ALLC: variants seen among roughly 807,000 people sequenced by gnomAD.
ALLC encodes probable inactive allantoicase.
In ALLC, 40 loss-of-function variants were observed where a neutral mutation model predicts 45.0. The ratio of observed to expected loss-of-function variants is 0.89; its 90% CI spans 0.69 to 1.16. The LOEUF is 1.16. Among genes scored for constraint, ALLC ranks in the 50% most tolerant of loss-of-function variants. The pLI is 0.00. For synonymous variants in ALLC, 176 were observed against 178.1 expected (o/e 0.99, Z 0.09); for missense variants, 488 against 493.1 (o/e 0.99, Z 0.10).
rs535910556 is a variant in ALLC, at chr2:3,699,083, A to T, written c.850+1627A>T. On this transcript the variant is annotated intron_variant, in intron 10 of 11. Transcript: ENST00000252505. ...AAATGTGCAGGTTTGTTATATAGGT[A>T]AACTTGTGTCATGGGGTTTTGGTGT... is the stretch of plus-strand genomic sequence containing the variant. Among the ~76,000 whole-genome samples, 8 of 152,296 alleles carry T rather than the reference A, an allele frequency of 5.3e-5. No homozygotes were observed. In the East Asian group the frequency reaches 1.5e-3, roughly 29 times the overall value.
chr2:3,650,334 G>A, the ALLC span, among the ~76,000 whole-genome samples: 1 of 152,224 alleles, frequency 6.6e-6, no homozygotes, highest in African/African-American at 2.4e-5. Context: ...GGCTCTCGGG[G>A]CAGCCAGGAT....
intron 6 of ALLC, among the ~76,000 whole-genome samples, 195 bp from the exon 7 acceptor site, chr2:3,682,747 G>A (rs377558521): frequency 3.0e-4 from 46 of 152,194 alleles, no homozygotes; most frequent in East Asian, 9.7e-4. Context: ...GGATGGTCTC[G>A]ATCTCCTGAC....
intron 8 of ALLC, 123 bp from the exon 9 acceptor site, chr2:3,696,152 T>C: frequency 1.2e-6 from 1 of 851,254 alleles, no homozygotes. Flanking sequence ...ACATTAACTT[T>C]AATGAAAATA....
rs1173613810 is a variant in ALLC at position 3,668,566 on chromosome 2, C to CTTTTTTT, written c.-62-2509_-62-2503dup. ...TGTGTAATATGCATAATGTGTATGA[C>CTTTTTTT]TTTTTTTTTTTTTTTTTTTTTTTTT... On this transcript the variant is annotated intron_variant, in intron 1 of 11. Transcript: ENST00000252505. Among the ~76,000 whole-genome samples, 141 of 71,888 alleles carry CTTTTTTT rather than the reference C, an allele frequency of 2.0e-3. 32 individuals carry two copies. The highest frequency in any genetic ancestry group is 5.9e-3 in the African/African-American group (80 of 13,670). 47.2% of individuals were successfully genotyped at this position (71,888 alleles called of 152,430 possible).
Position 3,680,852 on chromosome 2 carries a change from G to T in ALLC, c.299-782G>T, listed in dbSNP as rs943960980. ...GGACAGTAAATCAAGTTGGAAGCAG[G>T]ACGTGTTCACAGGATTGAGGCTAAT... is the stretch of plus-strand genomic sequence containing the variant. On this transcript the variant is annotated intron_variant, in intron 5 of 11. Coordinates refer to ENST00000252505, the MANE Select transcript of ALLC (RefSeq NM_018436.4). The surrounding 1 kb of genome is among the most constrained non-coding windows in gnomAD (Gnocchi z 4.0). Among the ~76,000 whole-genome samples, 1 of 152,112 alleles carries T rather than the reference G, an allele frequency of 6.6e-6. No individual in the cohort carries two copies. Among genetic ancestry groups the T allele is most frequent in the South Asian group, 2.1e-4 (1 of 4,834 alleles).
chr2:3,687,384 T>C (rs1667356279), intron 7 of ALLC, among the ~76,000 whole-genome samples: 1 of 151,102 alleles, frequency 6.6e-6, no homozygotes, highest in Admixed American at 6.6e-5. Context: ...ATCAGTGATA[T>C]TAACCTGTAG....
the ALLC span, among the ~76,000 whole-genome samples, chr2:3,651,255 A>C: frequency 2.9e-5 from 4 of 137,750 alleles, 2 homozygotes; most frequent in East Asian, 4.7e-4. Context: ...TTGCAGAGCC[A>C]CGGAGGGCGC....
chr2:3,695,485 A>G (rs1667639181), intron 7 of ALLC: 5 of 523,144 alleles, frequency 9.6e-6, no homozygotes, highest in South Asian at 2.4e-5. Context: ...CCATGCCTTT[A>G]AGGTGAGGAA....
upstream of ALLC, among the ~76,000 whole-genome samples, chr2:3,657,438 C>A (rs926430181): frequency 6.6e-6 from 1 of 151,048 alleles, no homozygotes; most frequent in Non-Finnish European, 1.5e-5. Context: ...GGCCCCTGTG[C>A]GCGCCATCTG....
chr2:3,661,213 C>G (rs541817943), intron 1 of ALLC, among the ~76,000 whole-genome samples: 3 of 152,236 alleles, frequency 2.0e-5, no homozygotes, highest in African/African-American at 7.2e-5. Context: ...ACGGGAGATA[C>G]GGGAACAGAT....
At chr2:3,651,320 GGTGTGTGTGTGTGTGTGTGTGTGTGTGT>G in the ALLC span, among the ~76,000 whole-genome samples, 1 of 49,150 alleles carries the variant, frequency 2.0e-5, no homozygotes, top group African/African-American at 9.2e-5. Flanking sequence ...GGGTGGGGGG[GGTGTGTGTGTGTGTGTGTGTGTGTGTGT>G]GTGTGTGTGT....
Position 3,680,680 on chromosome 2 carries a change from C to T in ALLC, c.298+686C>T, listed in dbSNP as rs1041139381. Among the ~76,000 whole-genome samples, 2 of 152,172 alleles carry T rather than the reference C, an allele frequency of 1.3e-5. No homozygotes were observed. The highest frequency in any genetic ancestry group is 2.4e-5 in the African/African-American group (1 of 41,434). On this transcript the variant is annotated intron_variant, in intron 5 of 11. Coordinates refer to ENST00000252505, the MANE Select transcript of ALLC (RefSeq NM_018436.4). The surrounding 1 kb of genome is among the most constrained non-coding windows in gnomAD (Gnocchi z 4.0). ...GGTAAATCTCTGCACTGTTACTGCC[C>T]GGACTCAGGGCTCACATGCTGTAGG...
At chr2:3,701,848 A>G (rs11680768) in intron 11 of ALLC, among the ~76,000 whole-genome samples, 67,921 of 152,036 alleles carry the variant, frequency 0.45, 15,561 homozygotes, top group African/African-American at 0.55. Flanking sequence ...AAATTGTTAA[A>G]TGTTCAGAAT....
At chr2:3,663,879 G>A (rs1405706963) in intron 1 of ALLC, among the ~76,000 whole-genome samples, 1 of 152,156 alleles carries the variant, frequency 6.6e-6, no homozygotes, top group Non-Finnish European at 1.5e-5. Context: ...AATCTCTTCT[G>A]TTCTGTTCAG....
intron 10 of ALLC, 133 bp downstream of exon 10, chr2:3,697,589 T>C: frequency 1.5e-6 from 1 of 649,100 alleles, no homozygotes; most frequent in Non-Finnish European, 2.7e-6. Flanking sequence ...ATTTTGAGCA[T>C]GCTACTTTAA....
intron 9 of ALLC, among the ~76,000 whole-genome samples, 154 bp downstream of exon 9, chr2:3,696,502 G>C (rs963872660): frequency 3.9e-5 from 6 of 152,132 alleles, no homozygotes; most frequent in Non-Finnish European, 8.8e-5. Flanking sequence ...ATTTCCCACT[G>C]TTTTCATAAT....
intron 7 of ALLC, chr2:3,688,588 C>T: frequency 4.8e-6 from 1 of 207,450 alleles, no homozygotes; most frequent in Non-Finnish European, 9.9e-6. Context: ...ATTCACACCC[C>T]ACATAAACAT....
At chr2:3,685,028 G>A (rs1474869355) in intron 7 of ALLC, among the ~76,000 whole-genome samples, 2 of 152,192 alleles carry the variant, frequency 1.3e-5, no homozygotes, top group Non-Finnish European at 2.9e-5. Context: ...AAACTTGGAA[G>A]TGCAGATATC....
chr2:3,653,285 C>G (rs1183172170), upstream of ALLC, among the ~76,000 whole-genome samples: 1 of 152,192 alleles, frequency 6.6e-6, no homozygotes, highest in Non-Finnish European at 1.5e-5. The surrounding 1 kb of genome is among the most constrained non-coding windows in gnomAD (Gnocchi z 4.1). Context: ...CTGTGGAGTT[C>G]CATTGCACAG....
Sources: gnomAD v4.1 joint callset for allele counts (sites outside exome capture counted in the v4.1 genomes callset) on GRCh38, gnomAD v4.1.1 for gene constraint, Gnocchi (gnomAD v3.1) non-coding constraint, MANE v1.5 for transcripts, NCBI Gene and HGNC (gene_info 2026-07-23, HGNC 2026-07-21) for gene names.